Variants in BBOF1 observed in about 807,000 individuals in gnomAD.
BBOF1 encodes the protein basal body orientation factor 1.
In BBOF1, 62 loss-of-function variants were observed where a neutral mutation model predicts 68.0. The observed-to-expected ratio is 0.91, with a 90% CI of 0.74 to 1.13. The LOEUF (loss-of-function observed/expected upper bound fraction) is 1.13, where lower values mean the gene tolerates loss of function less well. BBOF1 is among the 50% of genes most tolerant of loss of function. BBOF1 has a pLI of 0.00. For synonymous variants in BBOF1, 208 were observed against 198.8 expected, an observed-to-expected ratio of 1.05 and a Z score of -0.39; for missense variants, 534 against 600.1, an observed-to-expected ratio of 0.89 and a Z score of 1.15.
downstream of BBOF1, chr14:74,067,295 C>G (rs2060482156): frequency 6.9e-7 from 1 of 1,439,352 alleles, no homozygotes; most frequent in Admixed American, 1.7e-5. Context: ...CATGATTGTT[C>G]CCACTGGCCA....
At chr14:74,035,803 A>G (rs1304354320) in intron 4 of BBOF1, among the ~76,000 whole-genome samples, 3 of 151,748 alleles carry the variant, frequency 2.0e-5, no homozygotes, top group African/African-American at 4.8e-5. Context: ...AGAGTGAGTA[A>G]TCTGAGCGGG....
At chr14:74,070,505 G>A (rs1027651796), downstream of BBOF1, among the ~76,000 whole-genome samples, 2 of 152,050 alleles carry the variant, frequency 1.3e-5, no homozygotes, top group Admixed American at 6.6e-5. Flanking sequence ...GGCGACAGAG[G>A]GAGACTCCAT....
intron 1 of BBOF1, among the ~76,000 whole-genome samples, chr14:74,022,146 G>A (rs1444393510): frequency 2.0e-5 from 3 of 152,238 alleles, no homozygotes; most frequent in Admixed American, 2.0e-4. Context: ...GGCCAAGGTG[G>A]GAGGATACTT....
chr14:74,071,308 A>C, intron 9 of BBOF1: 1 of 1,614,186 alleles, frequency 6.2e-7, no homozygotes, highest in Non-Finnish European at 8.5e-7. Context: ...TTTCATTAGG[A>C]AGGTATTTCC....
chr14:74,046,816 T>C (rs1212754936), intron 6 of BBOF1: 4 of 152,134 alleles, frequency 2.6e-5, no homozygotes, highest in African/African-American at 9.7e-5. Flanking sequence ...GTTCACTGCA[T>C]CCTCCACTGC....
chr14:74,056,324 C>G (rs9743885), intron 9 of BBOF1, among the ~76,000 whole-genome samples: 1 of 151,510 alleles, frequency 6.6e-6, no homozygotes, highest in Non-Finnish European at 1.5e-5. Context: ...TTCAGCCTCC[C>G]GAGTAGCTAG....
chr14:74,024,350 G>A (rs1009418590), intron 2 of BBOF1, among the ~76,000 whole-genome samples: 4 of 152,118 alleles, frequency 2.6e-5, no homozygotes, highest in Non-Finnish European at 5.9e-5. Context: ...CAGCTACTCG[G>A]GAGGCTAAGG....
At chr14:74,056,723 A>G in intron 9 of BBOF1, 183 bp from the exon 10 acceptor site, 1 of 553,550 alleles carries the variant, frequency 1.8e-6, no homozygotes, top group East Asian at 3.2e-5. Context: ...TTCATTCTCT[A>G]TGATGTGATT....
rs3784038 is a variant in BBOF1 at position 74,047,971 on chromosome 14, A to T, written c.689A>T (p.Asp230Val). The T allele has an allele frequency of 0.5, 808,715 of 1,609,240 alleles. 209,979 individuals carry two copies. Among genetic ancestry groups the T allele is most frequent in the East Asian group, 0.89 (40,021 of 44,814 alleles). ...DAGRNVFKEN[D>V]YLQKALAYHL... is the part of the protein sequence containing the mutation. ...GGAAGAAATGTTTTTAAAGAGAATG[A>T]TTATCTTCAGAAAGCTCTGGCATAT... Residue 230 changes from aspartate to valine, a missense_variant, in exon 7 of 12, where the codon GAT becomes GTT. Physicochemically the swap from Asp to Val is radical, Grantham distance 152 (BLOSUM62 -3). Transcript: ENST00000394009.
chr14:74,033,885 A>C, intron 3 of BBOF1, 143 bp from the exon 4 acceptor site: 2 of 368,216 alleles, frequency 5.4e-6, no homozygotes, highest in South Asian at 1.5e-4. Context: ...AAATAAAATA[A>C]ATAAATAAAT....
chr14:74,062,658 C>T (rs1393486284), intron 11 of BBOF1, among the ~76,000 whole-genome samples: 2 of 152,096 alleles, frequency 1.3e-5, no homozygotes, highest in Non-Finnish European at 2.9e-5. Context: ...ATATAATCAA[C>T]CTCCAAATAC....
At chr14:74,027,846 TTCCAGATTAAA>T (rs2059469872) in intron 2 of BBOF1, among the ~76,000 whole-genome samples, 1 of 152,078 alleles carries the variant, frequency 6.6e-6, no homozygotes, top group Non-Finnish European at 1.5e-5. Flanking sequence ...CAAGAAACTG[TTCCAGATTAAA>T]GGGGACTAAG....
intron 6 of BBOF1, among the ~76,000 whole-genome samples, chr14:74,047,161 T>TGGAAGTA (rs2059968714): frequency 6.6e-6 from 1 of 152,210 alleles, no homozygotes; most frequent in African/African-American, 2.4e-5. Context: ...TGCAGGGTTG[T>TGGAAGTA]CATGAGGTAT....
At position 74,042,573 on chromosome 14, in the gene BBOF1, C is replaced by T. The variant is rs998508982; in HGVS notation, c.576+1928C>T. ...ACAAGAAGGGAGGCTCCAGCTGTGT[C>T]TGTCCCTTTTATCTGGAAGCCATAA... is the stretch of plus-strand genomic sequence containing the variant. On this transcript the variant is annotated intron_variant, in intron 5 of 11. Coordinates refer to ENST00000394009, the MANE Select transcript of BBOF1 (RefSeq NM_025057.3). Among the ~76,000 whole-genome samples the T allele has an allele frequency of 2.0e-5, 3 of 152,196 alleles. No individual in the cohort carries two copies. In the East Asian group the frequency reaches 5.8e-4, roughly 29 times the overall value.
chr14:74,073,171 A>C (rs2060573405), intron 9 of BBOF1, among the ~76,000 whole-genome samples: 1 of 151,998 alleles, frequency 6.6e-6, no homozygotes, highest in South Asian at 2.1e-4. Flanking sequence ...TAGTGTGATC[A>C]TGACTCACTG....
At chr14:74,020,685 G>A (rs1211561522) in intron 1 of BBOF1, among the ~76,000 whole-genome samples, 1 of 151,974 alleles carries the variant, frequency 6.6e-6, no homozygotes, top group Non-Finnish European at 1.5e-5. Flanking sequence ...TTTATTTTTA[G>A]TGGAGACAGG....
At chr14:74,060,623 G>C (rs756258700) in intron 11 of BBOF1, 10 of 1,541,062 alleles carry the variant, frequency 6.5e-6, no homozygotes, top group Non-Finnish European at 9.0e-6. Context: ...GATGGAGTCA[G>C]TCTTAAACAA....
chr14:74,055,812 C>A, intron 9 of BBOF1, 127 bp downstream of exon 9: 1 of 617,444 alleles, frequency 1.6e-6, no homozygotes, highest in Non-Finnish European at 2.8e-6. Context: ...TATAAAAAGG[C>A]CCTACTGCTT....
rs1206388646 is a variant in BBOF1, at chr14:74,048,033, C to T, written c.751C>T (p.Gln251Ter). 1 of 1,613,348 alleles carries T rather than the reference C, an allele frequency of 6.2e-7. No homozygotes were observed. Among genetic ancestry groups the T allele is most frequent in the South Asian group, 1.1e-5 (1 of 90,846 alleles). The change falls in exon 7 of 12, where the codon CAG (glutamine) becomes TAG (stop). Residue 251 changes from glutamine to a stop codon, truncating the protein, a stop_gained. Transcript: ENST00000394009. LOFTEE classifies it high-confidence loss of function. ...AACTGACGCTCTACAAAAAAACTCCCAGAAGTTGCAAGAGAGTCATACTTT... is the reference window on the plus strand; with the variant it reads ...AACTGACGCTCTACAAAAAAACTCCTAGAAGTTGCAAGAGAGTCATACTTT... ...KETDALQKNS[Q>*]KLQESHTLLL...
Sources: allele counts gnomAD v4.1 joint callset (sites outside exome capture counted in the v4.1 genomes callset), GRCh38; gene constraint gnomAD v4.1.1; transcripts MANE v1.5; gene names NCBI Gene and HGNC (gene_info 2026-07-23, HGNC 2026-07-21).